IL15: variants seen among roughly 807,000 people sequenced by gnomAD.
The protein encoded by IL15 is interleukin 15.
In IL15, 11 loss-of-function variants were observed where a neutral mutation model predicts 19.6. The ratio of observed to expected loss-of-function variants is 0.56; its 90% confidence interval spans 0.35 to 0.93. The LOEUF (loss-of-function observed/expected upper bound fraction) is 0.93. Among genes scored for constraint, IL15 ranks in the 40% least tolerant of loss-of-function variants. IL15 has a pLI of 0.01. For missense variants in IL15, 197 were observed against 186.5 expected, an observed-to-expected ratio of 1.06 and a Z score of -0.33; for synonymous variants, 58 against 59.6, an observed-to-expected ratio of 0.97 and a Z score of 0.12.
intron 7 of IL15, among the ~76,000 whole-genome samples, chr4:141,731,824 T>C (rs1730461953): frequency 6.6e-6 from 1 of 152,224 alleles, no homozygotes; most frequent in Non-Finnish European, 1.5e-5. Context: ...TAATTTTTAT[T>C]TTTGCTGGCA....
At chr4:141,669,220 TA>T (rs2152166366) in intron 2 of IL15, among the ~76,000 whole-genome samples, 1 of 152,272 alleles carries the variant, frequency 6.6e-6, no homozygotes, top group East Asian at 1.9e-4. Flanking sequence ...ATTAGGAGGC[TA>T]AATGAAAAAT....
At chr4:141,722,943 A>G (rs1730137855) in intron 5 of IL15, among the ~76,000 whole-genome samples, 1 of 152,198 alleles carries the variant, frequency 6.6e-6, no homozygotes, top group South Asian at 2.1e-4. Context: ...TTAATTTGAC[A>G]ACAGAATACT....
chr4:141,656,973 G>A (rs189547136), intron 2 of IL15, among the ~76,000 whole-genome samples: 1 of 152,272 alleles, frequency 6.6e-6, no homozygotes, highest in Admixed American at 6.5e-5. Flanking sequence ...ATAACTTGAT[G>A]ATGGAGATAT....
intron 5 of IL15, among the ~76,000 whole-genome samples, chr4:141,726,461 A>T (rs1730267479): frequency 6.6e-6 from 1 of 152,206 alleles, no homozygotes; most frequent in Admixed American, 6.5e-5. Flanking sequence ...GCTGGCAAGG[A>T]TGTGGAGAAA....
chr4:141,666,401 C>T (rs1454249571), intron 2 of IL15, among the ~76,000 whole-genome samples: 2 of 152,178 alleles, frequency 1.3e-5, no homozygotes, highest in Non-Finnish European at 2.9e-5. Context: ...TCTCAGCCAG[C>T]CTGGAGGGCG....
rs753746979 is a variant in IL15 at position 141,727,962 on chromosome 4, T to C, written c.218T>C (p.Leu73Ser). Residue 73 changes from leucine (L) to serine (S), a missense_variant, in exon 6 of 8, where the codon TTA (leucine) becomes TCA (serine). Physicochemically the swap from Leu to Ser is moderately radical, Grantham distance 145 (BLOSUM62 -2). Transcript: ENST00000320650. The stretch of plus-strand genomic sequence containing the variant: ...CAGTCTATGCATATTGATGCTACTT[T>C]ATATACGGAAAGTGATGTTCACGTG... ...LIQSMHIDAT[L>S]YTESDVHPSC... The C allele has an allele frequency of 3.5e-5, 48 of 1,360,308 alleles. No individual in the cohort carries two copies. The highest frequency in any genetic ancestry group is 4.9e-5 in the Non-Finnish European group (47 of 967,678). 84.3% of individuals were successfully genotyped at this position (1,360,308 alleles called of 1,614,324 possible).
At chr4:141,695,879 T>C (rs953217594) in intron 2 of IL15, among the ~76,000 whole-genome samples, 1 of 152,118 alleles carries the variant, frequency 6.6e-6, no homozygotes, top group Non-Finnish European at 1.5e-5. Flanking sequence ...AATATTAATA[T>C]TTTCTCCTTT....
At chr4:141,637,931 G>T (rs1726912375) in intron 1 of IL15, among the ~76,000 whole-genome samples, 1 of 152,152 alleles carries the variant, frequency 6.6e-6, no homozygotes, top group African/African-American at 2.4e-5. Flanking sequence ...CTGCCATGTA[G>T]AGGTTATAAG....
In IL15 at chr4:141,665,006, A is replaced by G. The variant is rs565562892; in HGVS notation, c.-100+8699A>G. Among the ~76,000 whole-genome samples, 239 of 152,176 alleles carry G rather than the reference A, an allele frequency of 1.6e-3. 1 individual carries two copies. The highest frequency in any genetic ancestry group is 5.6e-3 in the African/African-American group (231 of 41,544). Reference sequence around the variant, plus strand: ...ATTTGTATTTTCATTTCTTAAAATTATCTGTTCAAGTTCTTTATATTTAGA... The same window carrying G: ...ATTTGTATTTTCATTTCTTAAAATTGTCTGTTCAAGTTCTTTATATTTAGA... On this transcript the variant is annotated intron_variant, in intron 2 of 7. Transcript: ENST00000320650.
chr4:141,719,321 C>G, intron 2 of IL15, 45 bp from the exon 3 acceptor site: 1 of 552,566 alleles, frequency 1.8e-6, no homozygotes, highest in Non-Finnish European at 3.3e-6. Flanking sequence ...CTTTCTTTTT[C>G]TTACTAGTGC....
chr4:141,729,730 A>G, intron 6 of IL15, 117 bp from the exon 7 acceptor site: 1 of 597,794 alleles, frequency 1.7e-6, no homozygotes, highest in Admixed American at 3.3e-5. Flanking sequence ...AAATTTCTTA[A>G]GGATATTGTG....
At chr4:141,719,275 TA>T in intron 2 of IL15, 90 bp from the exon 3 acceptor site, 1 of 476,162 alleles carries the variant, frequency 2.1e-6, no homozygotes, top group Non-Finnish European at 3.8e-6. Context: ...GAGTGCTTAT[TA>T]AAAGGTAGGT....
chr4:141,685,855 A>G (rs563946622), intron 2 of IL15, among the ~76,000 whole-genome samples: 20 of 152,200 alleles, frequency 1.3e-4, no homozygotes, highest in Non-Finnish European at 1.9e-4. Context: ...TCATTTCTTC[A>G]TAACATTTAA....
At chr4:141,720,687 T>C (rs760004482) in intron 4 of IL15, 121 bp downstream of exon 4, 49 of 699,592 alleles carry the variant, frequency 7.0e-5, no homozygotes, top group Non-Finnish European at 1.2e-4. Flanking sequence ...ACTCAGTATC[T>C]GGGGGATAGA....
intron 1 of IL15, among the ~76,000 whole-genome samples, chr4:141,640,717 T>A (rs563381532): frequency 2.0e-5 from 3 of 152,332 alleles, no homozygotes; most frequent in South Asian, 4.1e-4. Flanking sequence ...TATTTTATAG[T>A]GTTTCATCCC....
At chr4:141,689,894 G>A (rs982609032) in intron 2 of IL15, among the ~76,000 whole-genome samples, 18 of 152,194 alleles carry the variant, frequency 1.2e-4, no homozygotes, top group South Asian at 2.1e-4. Flanking sequence ...GGGACTGGGC[G>A]CCGTGGAGCA....
At chr4:141,678,617 T>A (rs1728432842) in intron 2 of IL15, among the ~76,000 whole-genome samples, 1 of 151,296 alleles carries the variant, frequency 6.6e-6, no homozygotes, top group Non-Finnish European at 1.5e-5. Flanking sequence ...TTTTTTTTTT[T>A]TTTTTGACAG....
At chr4:141,715,733 A>T (rs1427804416) in intron 2 of IL15, 1 of 152,114 alleles carries the variant, frequency 6.6e-6, no homozygotes, top group East Asian at 1.9e-4. Context: ...GAATGAATGG[A>T]TGATGCATTT....
chr4:141,710,931 G>A (rs1436288288), intron 2 of IL15, among the ~76,000 whole-genome samples: 2 of 151,982 alleles, frequency 1.3e-5, no homozygotes, highest in African/African-American at 4.8e-5. Flanking sequence ...TTCCCCCAGG[G>A]AGAGTATCCA....
Sources: gnomAD v4.1 joint callset for allele counts (sites outside exome capture counted in the v4.1 genomes callset) on GRCh38, gnomAD v4.1.1 for gene constraint, MANE v1.5 for transcripts, NCBI Gene and HGNC (gene_info 2026-07-23, HGNC 2026-07-21) for gene names.